ULK4: variants seen among roughly 807,000 people sequenced by gnomAD.
ULK4 encodes the protein inactive serine/threonine-protein kinase ULK4.
A neutral mutation model predicts 160.6 loss-of-function variants in ULK4; 133 were observed. That is an observed-to-expected ratio of 0.83 (90% CI 0.72 to 0.96). The LOEUF is 0.96. Ranked by LOEUF, ULK4 falls within the 40% of genes least tolerant of loss-of-function variation. The probability of loss-of-function intolerance (pLI) is 0.00; values close to 1 mark genes in which losing one functional copy is unlikely to be tolerated. For missense variants in ULK4, 1,580 were observed against 1,499.5 expected, an observed-to-expected ratio of 1.05 and a Z score of -0.89; for synonymous variants, 534 against 539.8, an observed-to-expected ratio of 0.99 and a Z score of 0.15.
chr3:41,472,052 C>T (rs913407695), intron 32 of ULK4, among the ~76,000 whole-genome samples: 6 of 149,974 alleles, frequency 4.0e-5, no homozygotes, highest in African/African-American at 1.5e-4. Flanking sequence ...TAAACTAAAA[C>T]TTGTATTTTT....
chr3:41,649,212 G>C (rs2034635682), intron 30 of ULK4, among the ~76,000 whole-genome samples: 1 of 152,142 alleles, frequency 6.6e-6, no homozygotes, highest in Admixed American at 6.5e-5. Flanking sequence ...GGCGCAGACA[G>C]AATAGGTATG....
At chr3:41,658,791 G>T (rs532963892) in intron 30 of ULK4, among the ~76,000 whole-genome samples, 1 of 141,342 alleles carries the variant, frequency 7.1e-6, no homozygotes, top group East Asian at 1.9e-4. Context: ...CTCTGTGGAG[G>T]AATAATTGCT....
chr3:41,416,311 T>C (rs2082524535), intron 34 of ULK4, among the ~76,000 whole-genome samples: 1 of 152,216 alleles, frequency 6.6e-6, no homozygotes, highest in African/African-American at 2.4e-5. Context: ...AAATCTCGTA[T>C]TTCCTATTTT....
chr3:41,781,039 A>C (rs2039823072), intron 21 of ULK4, among the ~76,000 whole-genome samples: 1 of 152,176 alleles, frequency 6.6e-6, no homozygotes, highest in South Asian at 2.1e-4. Context: ...ATTTATAGAT[A>C]GAAAAATATA....
chr3:41,310,199 G>A (rs2080023670), intron 35 of ULK4, among the ~76,000 whole-genome samples: 1 of 152,178 alleles, frequency 6.6e-6, no homozygotes, highest in African/African-American at 2.4e-5. Flanking sequence ...TGGACCAAAT[G>A]TTTCTAAATG....
chr3:41,765,328 T>C (rs1276238786), intron 21 of ULK4, among the ~76,000 whole-genome samples: 2 of 152,050 alleles, frequency 1.3e-5, no homozygotes, highest in African/African-American at 2.4e-5. Context: ...AAACACCGCA[T>C]GCTCTCACTC....
At chr3:41,472,182 G>A (rs2084011464) in intron 32 of ULK4, among the ~76,000 whole-genome samples, 1 of 152,006 alleles carries the variant, frequency 6.6e-6, no homozygotes, top group South Asian at 2.1e-4. Context: ...AAGAGCTATT[G>A]TAAACAACTA....
At chr3:41,789,561 A>G (rs2125591867) in intron 21 of ULK4, 100 bp downstream of exon 21, 1 of 1,215,744 alleles carries the variant, frequency 8.2e-7, no homozygotes, top group Non-Finnish European at 1.1e-6. Context: ...CTCTTGGGAT[A>G]AAAAATGAAT....
intron 35 of ULK4, among the ~76,000 whole-genome samples, chr3:41,319,334 G>T (rs930578643): frequency 6.6e-6 from 1 of 152,150 alleles, no homozygotes; most frequent in Non-Finnish European, 1.5e-5. Context: ...CTGTTAGGAT[G>T]CCTTGTTTCT....
At chr3:41,260,003 C>T (rs546000804) in intron 35 of ULK4, 3 of 152,258 alleles carry the variant, frequency 2.0e-5, no homozygotes, top group South Asian at 2.1e-4. Flanking sequence ...ATTCTGTGGC[C>T]TTCAGATCTC....
chr3:41,918,969 T>C (rs941571227), intron 6 of ULK4, among the ~76,000 whole-genome samples: 2 of 152,196 alleles, frequency 1.3e-5, no homozygotes, highest in Non-Finnish European at 1.5e-5. Flanking sequence ...AGAAAAAATA[T>C]ATAGCAATAG....
chr3:41,721,644 G>A (rs1209129947), intron 22 of ULK4, among the ~76,000 whole-genome samples: 2 of 151,792 alleles, frequency 1.3e-5, no homozygotes, highest in African/African-American at 4.8e-5. Flanking sequence ...GGGATTACAG[G>A]CGTGAGCCAC....
intron 32 of ULK4, among the ~76,000 whole-genome samples, chr3:41,505,276 C>T (rs546968276): frequency 2.0e-5 from 3 of 152,252 alleles, no homozygotes; most frequent in South Asian, 2.1e-4. Context: ...AATCCTCATG[C>T]TCCTTCCAGA....
chr3:41,429,755 G>C (rs534891091), intron 34 of ULK4, among the ~76,000 whole-genome samples: 10 of 152,080 alleles, frequency 6.6e-5, no homozygotes, highest in East Asian at 1.9e-4. Context: ...GTGCAGCATG[G>C]GGGGAGGGAG....
chr3:41,831,655 G>A (rs1228340576), intron 18 of ULK4, among the ~76,000 whole-genome samples: 1 of 151,590 alleles, frequency 6.6e-6, no homozygotes, highest in South Asian at 2.1e-4. Context: ...TAGGTTTTAA[G>A]CCCCAAATGC....
chr3:41,347,383 A>AGT (rs2080822009), intron 35 of ULK4, among the ~76,000 whole-genome samples: 2 of 152,254 alleles, frequency 1.3e-5, no homozygotes, highest in Non-Finnish European at 2.9e-5. Flanking sequence ...CAGACAGGCC[A>AGT]CAACATTCCA....
chr3:41,303,517 A>T (rs2079839597), intron 35 of ULK4, among the ~76,000 whole-genome samples: 1 of 152,204 alleles, frequency 6.6e-6, no homozygotes, highest in Non-Finnish European at 1.5e-5. Context: ...GTGAGGTCTC[A>T]GCTTGAGTTT....
At chr3:41,486,618 G>A (rs1350121466) in intron 32 of ULK4, among the ~76,000 whole-genome samples, 2 of 152,128 alleles carry the variant, frequency 1.3e-5, no homozygotes, top group African/African-American at 4.8e-5. Context: ...TGTGCTACTG[G>A]TTTGGGGAGC....
At chr3:41,838,983 C>T (rs553447659) in intron 17 of ULK4, among the ~76,000 whole-genome samples, 1 of 152,126 alleles carries the variant, frequency 6.6e-6, no homozygotes, top group African/African-American at 2.4e-5. Flanking sequence ...ACAGGAGGAA[C>T]AAGTTTTCAA....
Sources: gnomAD v4.1 joint callset for allele counts (sites outside exome capture counted in the v4.1 genomes callset) on GRCh38, gnomAD v4.1.1 for gene constraint, MANE v1.5 for transcripts, NCBI Gene and HGNC (gene_info 2026-07-23, HGNC 2026-07-21) for gene names.